The following PI4KA variants were observed in gnomAD, a reference collection of about 807,000 sequenced individuals.
PI4KA encodes phosphatidylinositol 4-kinase alpha.
Under a neutral mutation model 271.4 loss-of-function variants are expected in PI4KA, and 122 were observed. The observed-to-expected ratio is 0.45, with a 90% confidence interval of 0.39 to 0.52. The LOEUF (loss-of-function observed/expected upper bound fraction) is 0.52. Ranked by LOEUF, PI4KA falls within the 20% of genes least tolerant of loss-of-function variation. The probability of loss-of-function intolerance (pLI) is 0.00; values close to 1 mark genes in which losing one functional copy is unlikely to be tolerated. For synonymous variants in PI4KA, 1,041 were observed against 1,078.8 expected (o/e 0.96, Z 0.69); for missense variants, 1,969 against 2,769.1 (o/e 0.71, Z 6.48).
chr22:20,759,402 C>CTTTTTTTTTTTTTTTTTTTTTT (rs886192073), intron 23 of PI4KA, among the ~76,000 whole-genome samples: 20 of 102,886 alleles, frequency 1.9e-4, no homozygotes, highest in South Asian at 3.5e-4. Flanking sequence ...CTTTTCTTTT[C>CTTTTTTTTTTTTTTTTTTTTTT]TTTTTTTTTT....
chr22:20,732,369 T>C (rs1928177555), intron 36 of PI4KA, among the ~76,000 whole-genome samples: 1 of 152,160 alleles, frequency 6.6e-6, no homozygotes, highest in South Asian at 2.1e-4. Flanking sequence ...GAACAGGGCA[T>C]GGCCTCCTTA....
rs1347836126 is a variant in PI4KA at position 20,712,575 on chromosome 22, G to A, written c.5713C>T (p.Arg1905Trp). The A allele has an allele frequency of 1.3e-6, 2 of 1,589,296 alleles. No individual in the cohort carries two copies. The highest frequency in any genetic ancestry group is 1.7e-6 in the Non-Finnish European group (2 of 1,169,296). The change falls in exon 50 of 55, where the codon CGG (arginine) becomes TGG (tryptophan). Residue 1905 changes from arginine to tryptophan, a missense_variant. Coordinates refer to ENST00000255882, the MANE Select transcript of PI4KA (RefSeq NM_058004.4). ...TCTGTCTGGCGGCCCAGCTGGTCCC[G>A]GGAGGTGCAGTCGGGGATGCACTCG... ...VIECIPDCTS[R>W]DQLGRQTDFG...
chr22:20,729,928 G>A lies in PI4KA; in HGVS notation c.4372C>T (p.Leu1458=), dbSNP rs1205377079. The change falls in exon 37 of 55, where the codon CTG becomes TTG. Residue 1458 remains leucine, a synonymous_variant. Transcript: ENST00000255882. ...GAGATGGTGGACATGCCGCTGGACA[G>A]GGGGTATGTGTTGATCCAGCCTTGG... The part of the protein sequence containing the change: ...ATQGWINTYP[L]SSGMSTISKK... The A allele has an allele frequency of 6.2e-7, 1 of 1,614,176 alleles. No homozygotes were observed. The highest frequency in any genetic ancestry group is 1.1e-5 in the South Asian group (1 of 91,072).
At chr22:20,725,268 T>G in intron 42 of PI4KA, 1 of 194,698 alleles carries the variant, frequency 5.1e-6, no homozygotes, top group Non-Finnish European at 1.1e-5. Context: ...AGACACAGGG[T>G]GCAGTGGGCA....
intron 14 of PI4KA, among the ~76,000 whole-genome samples, chr22:20,800,641 T>C (rs1247361277): frequency 6.8e-6 from 1 of 147,900 alleles, no homozygotes; most frequent in South Asian, 2.1e-4. Context: ...GGTGGGCGGA[T>C]CACAAGGTCA....
intron 36 of PI4KA, among the ~76,000 whole-genome samples, chr22:20,731,933 A>AT (rs34659283): frequency 0.38 from 55,791 of 147,528 alleles, 10,685 homozygotes; most frequent in Admixed American, 0.46. Flanking sequence ...CGTCTCAAAA[A>AT]ATAAAAATAA....
At chr22:20,811,755 T>C (rs750196766) in intron 8 of PI4KA, among the ~76,000 whole-genome samples, 27 of 151,950 alleles carry the variant, frequency 1.8e-4, no homozygotes, top group Non-Finnish European at 3.8e-4. Flanking sequence ...GGCTCACGCC[T>C]GTAATCCCAG....
chr22:20,800,179 T>G (rs1935215624), intron 14 of PI4KA, among the ~76,000 whole-genome samples: 1 of 152,158 alleles, frequency 6.6e-6, no homozygotes, highest in South Asian at 2.1e-4. Context: ...GGGGAAAAAT[T>G]TAAAGCCCCT....
At chr22:20,794,319 A>T (rs1934846731) in intron 18 of PI4KA, among the ~76,000 whole-genome samples, 2 of 152,160 alleles carry the variant, frequency 1.3e-5, no homozygotes, top group South Asian at 4.1e-4. Flanking sequence ...CAGGCTCCTG[A>T]AACGCCCCTC....
chr22:20,761,764 G>A (rs1362449269), intron 22 of PI4KA, among the ~76,000 whole-genome samples: 1 of 152,148 alleles, frequency 6.6e-6, no homozygotes, highest in Admixed American at 6.5e-5. Context: ...CTCTCTATGT[G>A]AGCTGTTACA....
intron 32 of PI4KA, among the ~76,000 whole-genome samples, chr22:20,737,450 C>T (rs1928865235): frequency 6.6e-6 from 1 of 151,986 alleles, no homozygotes; most frequent in Admixed American, 6.6e-5. Context: ...TATCTGAGGA[C>T]CCACTCCTAT....
chr22:20,750,226 G>C (rs1470552183), intron 27 of PI4KA, among the ~76,000 whole-genome samples: 3 of 152,196 alleles, frequency 2.0e-5, no homozygotes, highest in Non-Finnish European at 2.9e-5. Flanking sequence ...CCTTACGTGT[G>C]TGCAGAGGAA....
intron 9 of PI4KA, among the ~76,000 whole-genome samples, chr22:20,808,416 A>G (rs548662190): frequency 1.6e-4 from 24 of 151,386 alleles, no homozygotes; most frequent in African/African-American, 5.3e-4. Flanking sequence ...ACATGGTGAC[A>G]CCCTGTCTCT....
At chr22:20,750,512 G>A (rs914720873) in intron 27 of PI4KA, among the ~76,000 whole-genome samples, 2 of 152,240 alleles carry the variant, frequency 1.3e-5, no homozygotes, top group African/African-American at 2.4e-5. Context: ...GGCCCCTGGG[G>A]CCAGGAAGCC....
intron 9 of PI4KA, among the ~76,000 whole-genome samples, chr22:20,808,356 C>T (rs528875555): frequency 2.0e-5 from 3 of 150,402 alleles, no homozygotes; most frequent in Non-Finnish European, 3.0e-5. Context: ...GAGGCCAAGG[C>T]GGGTGGATCA....
intron 17 of PI4KA, among the ~76,000 whole-genome samples, chr22:20,797,318 G>A (rs1408926315): frequency 6.6e-6 from 1 of 152,214 alleles, no homozygotes; most frequent in Non-Finnish European, 1.5e-5. Flanking sequence ...AAGACTGGCA[G>A]GTGCTACAGA....
At chr22:20,763,649 A>G in intron 22 of PI4KA, among the ~76,000 whole-genome samples, 1 of 152,178 alleles carries the variant, frequency 6.6e-6, no homozygotes, top group East Asian at 1.9e-4. Flanking sequence ...CACGTTGGCC[A>G]GGCTGGTCTC....
intron 47 of PI4KA, among the ~76,000 whole-genome samples, chr22:20,713,781 C>T (rs1003956515): frequency 2.0e-5 from 3 of 152,334 alleles, no homozygotes; most frequent in Admixed American, 2.0e-4. Flanking sequence ...CAGGTCCCTG[C>T]AAGGGGTGGC....
At chr22:20,715,005 G>A (rs935658466) in intron 45 of PI4KA, among the ~76,000 whole-genome samples, 2 of 152,056 alleles carry the variant, frequency 1.3e-5, no homozygotes, top group Non-Finnish European at 2.9e-5. Context: ...GCTTCTGGGG[G>A]TGCGTGTGAG....
Sources: gnomAD v4.1 joint callset for allele counts (sites outside exome capture counted in the v4.1 genomes callset) on GRCh38, gnomAD v4.1.1 for gene constraint, MANE v1.5 for transcripts, NCBI Gene and HGNC (gene_info 2026-07-23, HGNC 2026-07-21) for gene names.